PTPRD: variants seen among roughly 807,000 people sequenced by gnomAD.
PTPRD encodes protein tyrosine phosphatase receptor type D.
PTPRD carries 34 observed loss-of-function variants against 214.5 expected under a neutral mutation model. The observed-to-expected ratio is 0.16, with a 90% CI of 0.12 to 0.21. The LOEUF (loss-of-function observed/expected upper bound fraction) is 0.21. Ranked by LOEUF, PTPRD falls within the 10% of genes least tolerant of loss-of-function variation. The pLI is 1.00. For missense variants in PTPRD, 2,545 were observed against 2,398.7 expected (o/e 1.06, Z -1.27); for synonymous variants, 1,128 against 845.7 (o/e 1.33, Z -5.79).
chr9:8,638,571 T>C (rs114090039), intron 12 of PTPRD, among the ~76,000 whole-genome samples: 1,850 of 152,298 alleles, frequency 0.012, 24 homozygotes, highest in Middle Eastern at 0.027. Context: ...GTTTCCTAGC[T>C]TTATATATTA....
chr9:9,663,241 A>G (rs1218923335), intron 7 of PTPRD, among the ~76,000 whole-genome samples: 1 of 151,496 alleles, frequency 6.6e-6, no homozygotes, highest in Admixed American at 6.6e-5. Flanking sequence ...GAAAGAAAAT[A>G]CAACTTATTT....
intron 2 of PTPRD, among the ~76,000 whole-genome samples, chr9:10,377,267 A>T (rs2097749712): frequency 6.6e-6 from 1 of 151,966 alleles, no homozygotes; most frequent in Non-Finnish European, 1.5e-5. Context: ...GCACTCCATT[A>T]TGTATAAGTA....
chr9:10,553,386 G>GA (rs914915186), intron 2 of PTPRD, among the ~76,000 whole-genome samples: 3 of 150,266 alleles, frequency 2.0e-5, no homozygotes, highest in African/African-American at 4.9e-5. Flanking sequence ...GGTTATACAG[G>GA]AAAAAAATCC....
chr9:8,604,236 G>C (rs964146666), intron 14 of PTPRD, among the ~76,000 whole-genome samples: 15 of 152,194 alleles, frequency 9.9e-5, no homozygotes, highest in African/African-American at 3.6e-4. Flanking sequence ...TTAAGGTATA[G>C]TCGAGGAAAG....
At chr9:9,589,690 G>A (rs181417543) in intron 7 of PTPRD, among the ~76,000 whole-genome samples, 105 of 152,002 alleles carry the variant, frequency 6.9e-4, no homozygotes, top group Non-Finnish European at 1.4e-3. Context: ...TGGATTATAA[G>A]ACAACCCATT....
intron 6 of PTPRD, among the ~76,000 whole-genome samples, chr9:9,751,220 A>G (rs111322879): frequency 7.3e-4 from 111 of 152,080 alleles, no homozygotes; most frequent in African/African-American, 2.5e-3. Context: ...TAGACTTCCT[A>G]GGATTACTAT....
intron 3 of PTPRD, among the ~76,000 whole-genome samples, chr9:10,271,791 C>A (rs2094439544): frequency 1.3e-5 from 2 of 152,072 alleles, no homozygotes; most frequent in Non-Finnish European, 2.9e-5. Context: ...GATCCACCCA[C>A]CTCGGCCTCC....
chr9:9,506,454 C>T (rs1023964279), intron 8 of PTPRD, among the ~76,000 whole-genome samples: 2 of 151,278 alleles, frequency 1.3e-5, no homozygotes, highest in African/African-American at 4.8e-5. Context: ...TCTTTAGAAT[C>T]CTGCCTTTTT....
At chr9:9,348,088 G>T (rs2049602108) in intron 9 of PTPRD, among the ~76,000 whole-genome samples, 1 of 152,076 alleles carries the variant, frequency 6.6e-6, no homozygotes, top group Non-Finnish European at 1.5e-5. Context: ...CTAGAGAGTT[G>T]ATTGAATAGG....
chr9:9,901,390 A>G (rs1198857336), intron 5 of PTPRD, among the ~76,000 whole-genome samples: 3 of 152,004 alleles, frequency 2.0e-5, no homozygotes, highest in African/African-American at 7.3e-5. Flanking sequence ...TGTCATAACT[A>G]TGGATGAGAT....
intron 11 of PTPRD, among the ~76,000 whole-genome samples, chr9:8,956,181 G>A (rs1278360487): frequency 2.6e-5 from 4 of 151,740 alleles, no homozygotes; most frequent in African/African-American, 9.7e-5. Context: ...TGAGTGAAAG[G>A]GATAAAACTC....
intron 8 of PTPRD, among the ~76,000 whole-genome samples, chr9:9,444,910 C>G (rs35549834): frequency 0.079 from 12,098 of 152,182 alleles, 607 homozygotes; most frequent in South Asian, 0.14. Context: ...TACTTTCTGA[C>G]CTATTTTCTC....
intron 3 of PTPRD, among the ~76,000 whole-genome samples, chr9:10,317,703 T>C (rs1365753113): frequency 6.6e-6 from 1 of 151,986 alleles, no homozygotes; most frequent in Admixed American, 6.6e-5. Context: ...AAATTTAAAA[T>C]TAATAAACAG....
intron 11 of PTPRD, among the ~76,000 whole-genome samples, chr9:8,909,513 A>G (rs886304270): frequency 3.9e-5 from 6 of 152,174 alleles, no homozygotes; most frequent in Non-Finnish European, 7.4e-5. Flanking sequence ...GATCATTTCA[A>G]TAAGTATGAA....
At position 10,043,551 on chromosome 9, in the gene PTPRD, ACTGT is replaced by A. The variant is rs149758142; in HGVS notation, c.-544-9765_-544-9762del. Among the ~76,000 whole-genome samples the A allele has an allele frequency of 3.4e-3, 517 of 151,918 alleles. 1 individual carries two copies. Among genetic ancestry groups the A allele is most frequent in the African/African-American group, 8.6e-3 (357 of 41,518 alleles). ...TTGGAGTTCCTATGAGCCTTCTAAA[ACTGT>A]CTGTAAAATTTTGTGTGAGGTGCAT... On this transcript the variant is annotated intron_variant, in intron 3 of 45. Coordinates refer to ENST00000381196, the MANE Select transcript of PTPRD (RefSeq NM_002839.4).
chr9:10,556,494 G>A (rs1047287288), intron 2 of PTPRD, among the ~76,000 whole-genome samples: 8 of 151,972 alleles, frequency 5.3e-5, no homozygotes, highest in Admixed American at 2.6e-4. Flanking sequence ...AAGGAAAAAC[G>A]TAGAAAATAC....
intron 3 of PTPRD, among the ~76,000 whole-genome samples, chr9:10,171,753 G>A (rs1295845936): frequency 6.6e-6 from 1 of 152,104 alleles, no homozygotes; most frequent in Non-Finnish European, 1.5e-5. Flanking sequence ...TCGATCTCCT[G>A]ACCTTGTGAT....
At position 8,948,533 on chromosome 9, in the gene PTPRD, A is replaced by T. The variant is rs868099919; in HGVS notation, c.-104+70164T>A. Among the ~76,000 whole-genome samples, 7 of 37,038 alleles carry T rather than the reference A, an allele frequency of 1.9e-4. 1 individual carries two copies. In the South Asian group the frequency reaches 5.6e-3, roughly 30 times the overall value. The allele number at this position is 37,038 out of a possible 152,430, so 24.3% of individuals were successfully genotyped here. On this transcript the variant is annotated intron_variant, in intron 11 of 45. Coordinates refer to ENST00000381196, the MANE Select transcript of PTPRD (RefSeq NM_002839.4). ...TATATATATATTTATATATATATTT[A>T]TATATATATTTATATATATTTATAT...
intron 9 of PTPRD, among the ~76,000 whole-genome samples, chr9:9,351,705 T>C (rs1422363524): frequency 6.6e-6 from 1 of 152,072 alleles, no homozygotes; most frequent in African/African-American, 2.4e-5. Flanking sequence ...ATTTGTGACA[T>C]ATTGTCTTAA....
Sources: allele counts gnomAD v4.1 joint callset (sites outside exome capture counted in the v4.1 genomes callset), GRCh38; gene constraint gnomAD v4.1.1; transcripts MANE v1.5; gene names NCBI Gene and HGNC (gene_info 2026-07-23, HGNC 2026-07-21).